Variants in EML5 observed in about 807,000 individuals in gnomAD.
EML5 encodes the protein EMAP like 5, also known as echinoderm microtubule-associated protein-like 5.
In EML5, 120 loss-of-function variants were observed where a neutral mutation model predicts 250.0. The observed-to-expected ratio is 0.48, with a 90% CI of 0.41 to 0.56. The LOEUF is 0.56. Ranked by LOEUF, EML5 falls within the 20% of genes least tolerant of loss-of-function variation. The probability of loss-of-function intolerance (pLI) is 0.00; values close to 1 mark genes in which losing one functional copy is unlikely to be tolerated. For missense variants in EML5, 2,006 were observed against 2,437.6 expected, an observed-to-expected ratio of 0.82 and a Z score of 3.73; for synonymous variants, 771 against 806.5, an observed-to-expected ratio of 0.96 and a Z score of 0.75.
At chr14:88,693,933 G>A (rs1304976364) in intron 17 of EML5, among the ~76,000 whole-genome samples, 1 of 149,652 alleles carries the variant, frequency 6.7e-6, no homozygotes, top group Non-Finnish European at 1.5e-5. Flanking sequence ...ACCATGCCCA[G>A]CTAATTTTTT....
chr14:88,627,144 G>C, intron 34 of EML5, 98 bp from the exon 35 acceptor site: 1 of 1,279,172 alleles, frequency 7.8e-7, no homozygotes, highest in Non-Finnish European at 1.1e-6. Flanking sequence ...AAAAACAAAG[G>C]CTTAGAAGAG....
chr14:88,725,087 G>A (rs1334897439), intron 8 of EML5, among the ~76,000 whole-genome samples: 1 of 152,090 alleles, frequency 6.6e-6, no homozygotes, highest in Non-Finnish European at 1.5e-5. Flanking sequence ...GAGGTACCTA[G>A]AGTAGTCAAA....
In EML5 at chr14:88,615,556, C is replaced by G. The variant is rs1470247920; in HGVS notation, c.*262G>C. On this transcript the variant is annotated 3_prime_UTR_variant, in exon 44 of 44. Coordinates refer to ENST00000554922, the MANE Select transcript of EML5 (RefSeq NM_183387.3). Reference sequence around the variant, plus strand: ...TGCCGAAATCACACACTTCCCAATACAGGGGGACTTGGCCTTTACCATCAA... The same window carrying G: ...TGCCGAAATCACACACTTCCCAATAGAGGGGGACTTGGCCTTTACCATCAA... The G allele has an allele frequency of 2.5e-6, 1 of 402,348 alleles. No homozygotes were observed. The highest frequency in any genetic ancestry group is 2.1e-5 in the African/African-American group (1 of 48,460). 24.9% of individuals were successfully genotyped at this position (402,348 alleles called of 1,614,324 possible).
In EML5 at chr14:88,717,200, T is replaced by C. The variant is rs746149920; in HGVS notation, c.1188-2005A>G. Reference sequence around the variant, plus strand: ...GAATGAGATTTAGCTCAGCAGAAGATAGGAAATGGAGGTAAAGGACCTGTT... The same window carrying C: ...GAATGAGATTTAGCTCAGCAGAAGACAGGAAATGGAGGTAAAGGACCTGTT... On this transcript the variant is annotated intron_variant, in intron 8 of 43. Transcript: ENST00000554922. Among the ~76,000 whole-genome samples the C allele has an allele frequency of 3.3e-5, 5 of 152,212 alleles. No homozygotes were observed. In the East Asian group the frequency reaches 5.8e-4, roughly 18 times the overall value.
At chr14:88,617,149 T>TC in intron 41 of EML5, 1 of 249,078 alleles carries the variant, frequency 4.0e-6, no homozygotes, top group African/African-American at 2.2e-5. Context: ...AACTATTTTT[T>TC]CTTTTTTTTT....
chr14:88,634,898 T>A (rs2090635345), intron 32 of EML5, among the ~76,000 whole-genome samples: 1 of 152,204 alleles, frequency 6.6e-6, no homozygotes, highest in Non-Finnish European at 1.5e-5. Context: ...TTCTTTCAAC[T>A]AAAGATTTTC....
chr14:88,711,172 G>A (rs972092975), intron 10 of EML5, among the ~76,000 whole-genome samples: 1 of 151,702 alleles, frequency 6.6e-6, no homozygotes, highest in East Asian at 2.0e-4. Flanking sequence ...CAGAAATAGG[G>A]TACTTTAATT....
At chr14:88,771,651 C>T (rs1444617541) in intron 1 of EML5, among the ~76,000 whole-genome samples, 1 of 152,126 alleles carries the variant, frequency 6.6e-6, no homozygotes, top group Non-Finnish European at 1.5e-5. Context: ...AGTAGGCATT[C>T]ATCTCTTCTC....
intron 2 of EML5, among the ~76,000 whole-genome samples, chr14:88,748,244 G>A (rs1566745265): frequency 1.3e-5 from 2 of 152,144 alleles, no homozygotes; most frequent in Admixed American, 1.3e-4. Flanking sequence ...ATGAGGTCAT[G>A]CAAAGAAGAA....
At chr14:88,666,523 G>A (rs1382522592) in intron 21 of EML5, among the ~76,000 whole-genome samples, 1 of 152,136 alleles carries the variant, frequency 6.6e-6, no homozygotes, top group African/African-American at 2.4e-5. Context: ...ACAGCACCTG[G>A]CCTATGAAAC....
At chr14:88,680,696 A>T (rs2092697537) in intron 21 of EML5, among the ~76,000 whole-genome samples, 2 of 152,160 alleles carry the variant, frequency 1.3e-5, no homozygotes, top group Admixed American at 6.6e-5. Flanking sequence ...TCCAAATTTT[A>T]AAAAAATCTG....
intron 27 of EML5, among the ~76,000 whole-genome samples, chr14:88,656,611 T>A (rs1456317033): frequency 6.6e-6 from 1 of 151,760 alleles, no homozygotes; most frequent in Non-Finnish European, 1.5e-5. Context: ...GAACTTAAAG[T>A]ATAATTAAAA....
At chr14:88,720,565 T>A (rs538173613) in intron 8 of EML5, among the ~76,000 whole-genome samples, 3 of 152,302 alleles carry the variant, frequency 2.0e-5, no homozygotes, top group Non-Finnish European at 4.4e-5. Flanking sequence ...ACGCCTTTGA[T>A]AAAATTCAGC....
At chr14:88,622,869 G>T in intron 36 of EML5, 151 bp from the exon 37 acceptor site, 2 of 492,966 alleles carry the variant, frequency 4.1e-6, no homozygotes, top group South Asian at 4.6e-5. Context: ...AACTTTCTAT[G>T]GCAATTTGAG....
At chr14:88,663,184 A>AT in intron 23 of EML5, 65 bp from the exon 24 acceptor site, 1 of 1,083,598 alleles carries the variant, frequency 9.2e-7, no homozygotes, top group Non-Finnish European at 1.3e-6. Context: ...TACCATCAGT[A>AT]TGATGTTTAA....
intron 31 of EML5, among the ~76,000 whole-genome samples, chr14:88,642,424 C>T (rs1234544045): frequency 6.6e-6 from 1 of 152,160 alleles, no homozygotes. Flanking sequence ...CATAGAGCCA[C>T]AGATAAACAG....
intron 7 of EML5, among the ~76,000 whole-genome samples, chr14:88,735,383 C>A (rs1294828890): frequency 6.6e-6 from 1 of 151,898 alleles, no homozygotes; most frequent in African/African-American, 2.4e-5. Context: ...GAGAAAAAGA[C>A]CTATGAACTA....
intron 42 of EML5, 122 bp from the exon 43 acceptor site, chr14:88,616,364 C>A: frequency 1.1e-6 from 1 of 942,756 alleles, no homozygotes; most frequent in Non-Finnish European, 1.7e-6. Context: ...GCACCGCAGC[C>A]AGTGATTAGA....
intron 33 of EML5, among the ~76,000 whole-genome samples, chr14:88,632,752 C>T (rs1031130006): frequency 1.3e-5 from 2 of 152,220 alleles, no homozygotes; most frequent in African/African-American, 2.4e-5. Flanking sequence ...GGGCGCTGAA[C>T]ACTTGCTTTC....
Sources: gnomAD v4.1 joint callset for allele counts (sites outside exome capture counted in the v4.1 genomes callset) on GRCh38, gnomAD v4.1.1 for gene constraint, MANE v1.5 for transcripts, NCBI Gene and HGNC (gene_info 2026-07-23, HGNC 2026-07-21) for gene names.